SNTG1: variants seen among roughly 807,000 people sequenced by gnomAD.
The protein encoded by SNTG1 is syntrophin gamma 1, also known as gamma-1-syntrophin.
A neutral mutation model predicts 74.7 loss-of-function variants in SNTG1; 39 were observed. The observed-to-expected ratio is 0.52, with a 90% CI of 0.40 to 0.68. The LOEUF (loss-of-function observed/expected upper bound fraction) is 0.68. Ranked by LOEUF, SNTG1 falls within the 30% of genes least tolerant of loss-of-function variation. The pLI is 0.00. For synonymous variants in SNTG1, 254 were observed against 217.1 expected, an observed-to-expected ratio of 1.17 and a Z score of -1.49; for missense variants, 685 against 609.5, an observed-to-expected ratio of 1.12 and a Z score of -1.30.
chr8:50,544,821 A>T (rs1392728832), intron 11 of SNTG1, among the ~76,000 whole-genome samples: 1 of 152,078 alleles, frequency 6.6e-6, no homozygotes, highest in Non-Finnish European at 1.5e-5. Flanking sequence ...GGGAGACATT[A>T]TGTTTGATTC....
At chr8:49,990,474 A>G (rs540853831) in intron 1 of SNTG1, among the ~76,000 whole-genome samples, 1 of 152,152 alleles carries the variant, frequency 6.6e-6, no homozygotes, top group South Asian at 2.1e-4. Context: ...TAACCAAAAA[A>G]ATCCCCTAAA....
At chr8:50,179,679 C>T (rs2083129868) in intron 2 of SNTG1, among the ~76,000 whole-genome samples, 1 of 152,120 alleles carries the variant, frequency 6.6e-6, no homozygotes, top group Admixed American at 6.5e-5. Flanking sequence ...TATGCAAAGG[C>T]ATTCAACATC....
At chr8:50,197,579 T>G (rs2083825058) in intron 2 of SNTG1, among the ~76,000 whole-genome samples, 1 of 152,190 alleles carries the variant, frequency 6.6e-6, no homozygotes, top group Non-Finnish European at 1.5e-5. Flanking sequence ...TGTGAGAATA[T>G]CTTTGGAATA....
intron 1 of SNTG1, chr8:49,915,149 T>C (rs1157156126): frequency 1.3e-5 from 2 of 152,198 alleles, no homozygotes; most frequent in African/African-American, 4.8e-5. Flanking sequence ...AGCTGAATTT[T>C]TCTTCCTTAA....
intron 15 of SNTG1, among the ~76,000 whole-genome samples, chr8:50,678,856 A>G (rs1234364475): frequency 6.6e-6 from 1 of 152,116 alleles, no homozygotes; most frequent in African/African-American, 2.4e-5. Context: ...AGAGTAGTTG[A>G]GAGAGAAATA....
intron 15 of SNTG1, among the ~76,000 whole-genome samples, chr8:50,698,752 A>G (rs2095413554): frequency 6.6e-6 from 1 of 152,170 alleles, no homozygotes; most frequent in African/African-American, 2.4e-5. Flanking sequence ...TTCCCAGAGC[A>G]GGTACTTCTT....
intron 1 of SNTG1, among the ~76,000 whole-genome samples, chr8:49,949,529 G>A (rs1406817869): frequency 6.6e-6 from 1 of 152,086 alleles, no homozygotes; most frequent in Admixed American, 6.6e-5. Flanking sequence ...ATTATTTGGA[G>A]TGAACTTTAT....
chr8:50,738,415 C>A (rs2095534428), intron 17 of SNTG1, among the ~76,000 whole-genome samples: 1 of 152,006 alleles, frequency 6.6e-6, no homozygotes, highest in South Asian at 2.1e-4. Flanking sequence ...AGAGAGGACA[C>A]AAACAAATGG....
chr8:50,573,816 T>G (rs1184870045), intron 12 of SNTG1, among the ~76,000 whole-genome samples: 1 of 151,918 alleles, frequency 6.6e-6, no homozygotes, highest in Admixed American at 6.6e-5. Flanking sequence ...AACTGAAAAT[T>G]TAATAACTTA....
chr8:50,350,092 C>G lies in SNTG1; in HGVS notation c.-27-44120C>G, dbSNP rs765082763. On this transcript the variant is annotated intron_variant, in intron 2 of 18. Transcript: ENST00000642720. Reference sequence around the variant, plus strand: ...GCTGCAGAGGGTGCATTGGGTCCCCCAGCAGCGCCGGCTCACGGGCGCTGT... The same window carrying G: ...GCTGCAGAGGGTGCATTGGGTCCCCGAGCAGCGCCGGCTCACGGGCGCTGT... Among the ~76,000 whole-genome samples, 247 of 152,306 alleles carry G rather than the reference C, an allele frequency of 1.6e-3. 1 individual carries two copies. Among genetic ancestry groups the G allele is most frequent in the Non-Finnish European group, 2.2e-3 (149 of 68,022 alleles).
intron 2 of SNTG1, among the ~76,000 whole-genome samples, chr8:50,340,207 AC>A: frequency 6.6e-6 from 1 of 152,146 alleles, no homozygotes; most frequent in African/African-American, 2.4e-5. Flanking sequence ...TTTTGTAGAT[AC>A]TAATAAACTG....
chr8:50,231,308 T>C (rs1175510950), intron 2 of SNTG1, among the ~76,000 whole-genome samples: 2 of 151,434 alleles, frequency 1.3e-5, no homozygotes, highest in Non-Finnish European at 3.0e-5. Flanking sequence ...ACAACTATTA[T>C]GGAAACCAAT....
intron 2 of SNTG1, among the ~76,000 whole-genome samples, chr8:50,246,662 G>A (rs1224678028): frequency 6.6e-6 from 1 of 152,038 alleles, no homozygotes; most frequent in African/African-American, 2.4e-5. Context: ...GGTGAAGAAG[G>A]GCTCTTTGGT....
At chr8:50,754,919 T>G (rs544996534) in intron 18 of SNTG1, among the ~76,000 whole-genome samples, 2 of 151,908 alleles carry the variant, frequency 1.3e-5, no homozygotes, top group Middle Eastern at 3.4e-3. Flanking sequence ...ACAAATGGAT[T>G]TTTTTCCTTT....
intron 1 of SNTG1, among the ~76,000 whole-genome samples, chr8:50,032,186 T>A (rs1817793985): frequency 6.6e-6 from 1 of 152,102 alleles, no homozygotes; most frequent in South Asian, 2.1e-4. Context: ...ATTCGTTTTT[T>A]CTTTTTCAGT....
intron 18 of SNTG1, among the ~76,000 whole-genome samples, chr8:50,787,827 T>C (rs1238836277): frequency 1.3e-5 from 2 of 152,132 alleles, no homozygotes; most frequent in South Asian, 4.1e-4. Context: ...ATAATGCTTA[T>C]CAGGCTCTGA....
chr8:50,539,871 TG>T (rs2094334125), intron 11 of SNTG1, among the ~76,000 whole-genome samples: 1 of 152,226 alleles, frequency 6.6e-6, no homozygotes, highest in African/African-American at 2.4e-5. Context: ...GTTTTTGTTT[TG>T]TTTTTATTGT....
At chr8:50,682,574 G>A (rs1218928376) in intron 15 of SNTG1, among the ~76,000 whole-genome samples, 1 of 152,170 alleles carries the variant, frequency 6.6e-6, no homozygotes, top group Non-Finnish European at 1.5e-5. Context: ...CTGATTCCTT[G>A]AAGAGAAACT....
intron 4 of SNTG1, among the ~76,000 whole-genome samples, chr8:50,426,817 A>C (rs1361774711): frequency 6.6e-6 from 1 of 152,014 alleles, no homozygotes; most frequent in Non-Finnish European, 1.5e-5. Flanking sequence ...AAAAAAATAC[A>C]ACAATAAGAA....
Sources: gnomAD v4.1 joint callset for allele counts (sites outside exome capture counted in the v4.1 genomes callset) on GRCh38, gnomAD v4.1.1 for gene constraint, MANE v1.5 for transcripts, NCBI Gene and HGNC (gene_info 2026-07-23, HGNC 2026-07-21) for gene names.